ANKRD17: variants seen among roughly 807,000 people sequenced by gnomAD.
ANKRD17 encodes ankyrin repeat domain-containing protein 17.
A neutral mutation model predicts 229.7 loss-of-function variants in ANKRD17; 19 were observed. That is an observed-to-expected ratio of 0.08 (90% CI 0.06 to 0.12). The LOEUF (loss-of-function observed/expected upper bound fraction) is 0.12, where lower values mean the gene tolerates loss of function less well. Among genes scored for constraint, ANKRD17 ranks in the 10% least tolerant of loss-of-function variants. ANKRD17 has a pLI of 1.00. For synonymous variants in ANKRD17, 1,112 were observed against 1,146.1 expected (o/e 0.97, Z 0.60); for missense variants, 2,176 against 3,176.8 (o/e 0.68, Z 7.57).
intron 28 of ANKRD17, among the ~76,000 whole-genome samples, chr4:73,092,927 T>G (rs1397693349): frequency 6.6e-6 from 1 of 152,166 alleles, no homozygotes; most frequent in Non-Finnish European, 1.5e-5. Context: ...AAAACCTTAG[T>G]GCTGGATCTT....
At chr4:73,081,132 G>A (rs1030908441) in intron 30 of ANKRD17, among the ~76,000 whole-genome samples, 1 of 152,192 alleles carries the variant, frequency 6.6e-6, no homozygotes, top group Admixed American at 6.5e-5. Flanking sequence ...TTTTAGGCTA[G>A]TCAGTAATCT....
At chr4:73,179,518 A>ATATATTTTTTTTTTT (rs1192164276) in intron 1 of ANKRD17, among the ~76,000 whole-genome samples, 3 of 40,784 alleles carry the variant, frequency 7.4e-5, no homozygotes, top group Non-Finnish European at 1.4e-4. Flanking sequence ...ATATATATAT[A>ATATATTTTTTTTTTT]TTTTTTTTTT....
intron 24 of ANKRD17, among the ~76,000 whole-genome samples, chr4:73,110,997 G>C (rs932187666): frequency 1.3e-5 from 2 of 152,092 alleles, no homozygotes; most frequent in Non-Finnish European, 2.9e-5. Context: ...AGAATACAAG[G>C]AAATGACATT....
At chr4:73,166,759 GAA>G (rs557490181) in intron 2 of ANKRD17, among the ~76,000 whole-genome samples, 2 of 128,404 alleles carry the variant, frequency 1.6e-5, no homozygotes, top group African/African-American at 5.3e-5. Context: ...CAAATAAATA[GAA>G]AAAAAAAAAA....
intron 4 of ANKRD17, 27 bp from the exon 5 acceptor site, chr4:73,155,805 G>C: frequency 6.2e-7 from 1 of 1,607,042 alleles, no homozygotes; most frequent in Non-Finnish European, 8.5e-7. Flanking sequence ...AGTTTAAAAA[G>C]ATATTAGGAA....
intron 30 of ANKRD17, 143 bp from the exon 31 acceptor site, chr4:73,079,033 A>G: frequency 9.4e-7 from 1 of 1,060,084 alleles, no homozygotes; most frequent in African/African-American, 1.6e-5. Flanking sequence ...AAAATGATGC[A>G]TATTAAAATT....
In ANKRD17 at chr4:73,074,083, A is replaced by G. The variant is rs1401062968; in HGVS notation, c.*2148T>C. ...TAGTACAGACTTCTAAAACCATGGT[A>G]TTGTACTAAACAAGCCTGATCCCCA... is the stretch of plus-strand genomic sequence containing the variant. On this transcript the variant is annotated 3_prime_UTR_variant, in exon 34 of 34. Transcript: ENST00000358602. 1 of 152,016 alleles carries G rather than the reference A, an allele frequency of 6.6e-6. No homozygotes were observed. The highest frequency in any genetic ancestry group is 1.9e-4 in the East Asian group (1 of 5,208). 9.4% of individuals were successfully genotyped at this position (152,016 alleles called of 1,614,324 possible). A position where few individuals can be genotyped will look rare whatever the true frequency, so the allele number is the denominator to read the frequency against.
At chr4:73,138,858 A>G (rs1729245523) in intron 15 of ANKRD17, among the ~76,000 whole-genome samples, 1 of 152,170 alleles carries the variant, frequency 6.6e-6, no homozygotes, top group Admixed American at 6.5e-5. Context: ...GAAACTAGTT[A>G]TAATCGAATA....
At chr4:73,186,558 T>C (rs1736319626) in intron 1 of ANKRD17, among the ~76,000 whole-genome samples, 1 of 152,162 alleles carries the variant, frequency 6.6e-6, no homozygotes, top group Non-Finnish European at 1.5e-5. Flanking sequence ...TACTATAATC[T>C]AGGAATCAGT....
Position 73,078,739 on chromosome 4 carries a change from T to G in ANKRD17, c.7311A>C (p.Gln2437His), listed in dbSNP as rs763113538. The change falls in exon 31 of 34, where the codon CAA (glutamine) becomes CAC (histidine). Residue 2437 changes from glutamine (Q) to histidine (H), a missense_variant. Coordinates refer to ENST00000358602, the MANE Select transcript of ANKRD17 (RefSeq NM_032217.5). ...TAACAGATGGAGCTGACGTTCCAGT[T>G]TGCCTGATACGTGCAGAACGTTCAG... ...IGTERSARIRQTGTSAPSVIG... is the reference protein window; with the variant it reads ...IGTERSARIRHTGTSAPSVIG... 2 of 1,614,146 alleles carry G rather than the reference T, an allele frequency of 1.2e-6. No individual in the cohort carries two copies. Among genetic ancestry groups the G allele is most frequent in the African/African-American group, 1.3e-5 (1 of 75,046 alleles).
At chr4:73,202,426 GC>G (rs1392413176) in intron 1 of ANKRD17, among the ~76,000 whole-genome samples, 1 of 150,612 alleles carries the variant, frequency 6.6e-6, no homozygotes, top group Non-Finnish European at 1.5e-5. Flanking sequence ...AAACGTGGGG[GC>G]AGAAAACTAG....
chr4:73,249,682 C>T (rs564724712), intron 1 of ANKRD17, among the ~76,000 whole-genome samples: 5 of 152,218 alleles, frequency 3.3e-5, no homozygotes, highest in Admixed American at 2.0e-4. Context: ...GGTGAAACTT[C>T]GTCTCTACTA....
chr4:73,252,319 A>C (rs373788289), intron 1 of ANKRD17, among the ~76,000 whole-genome samples: 5 of 152,374 alleles, frequency 3.3e-5, no homozygotes, highest in African/African-American at 1.2e-4. Context: ...AGTAGGCATA[A>C]GGCTGGTTTA....
chr4:73,102,394 C>G lies in ANKRD17; in HGVS notation c.4555G>C (p.Glu1519Gln). 6.3e-7 allele frequency: 1 copy of G among 1,582,694 alleles called. No individual in the cohort carries two copies. The highest frequency in any genetic ancestry group is 8.5e-7 in the Non-Finnish European group (1 of 1,172,366). Reference sequence around the variant, plus strand: ...AAAATACCTTCAACTTTAAGCTTTTCTTTTTCTTGAGCAGCTTGGAGTTCA... The same window carrying G: ...AAAATACCTTCAACTTTAAGCTTTTGTTTTTCTTGAGCAGCTTGGAGTTCA... ...NFELQAAQEK[E>Q]KLKVEDEPEV... Residue 1519 changes from glutamate to glutamine, a missense_variant, in exon 25 of 34, where the codon GAA becomes CAA. By Grantham distance (29) the Glu-to-Gln change is conservative (BLOSUM62 2). This residue lies in a region of ANKRD17 where 105 missense variants were observed against 118.3 expected (regional missense o/e 0.89). Coordinates refer to ENST00000358602, the MANE Select transcript of ANKRD17 (RefSeq NM_032217.5).
intron 1 of ANKRD17, among the ~76,000 whole-genome samples, chr4:73,188,082 C>G (rs549629152): frequency 6.6e-6 from 1 of 152,048 alleles, no homozygotes; most frequent in East Asian, 1.9e-4. Context: ...AATCTCAACA[C>G]ATTTCAAAAT....
chr4:73,136,474 A>G (rs1436838646), intron 15 of ANKRD17, among the ~76,000 whole-genome samples: 1 of 152,222 alleles, frequency 6.6e-6, no homozygotes, highest in East Asian at 1.9e-4. Flanking sequence ...TACACTATAC[A>G]TTATAGCAAC....
chr4:73,218,163 C>G (rs1223857463), intron 1 of ANKRD17, among the ~76,000 whole-genome samples: 1 of 152,092 alleles, frequency 6.6e-6, no homozygotes, highest in Admixed American at 6.5e-5. Context: ...ATAAAAGTGA[C>G]AACATAAAGG....
intron 18 of ANKRD17, among the ~76,000 whole-genome samples, chr4:73,123,654 C>T (rs1441927915): frequency 6.6e-6 from 1 of 152,098 alleles, no homozygotes; most frequent in Non-Finnish European, 1.5e-5. Context: ...CCTACCCTTA[C>T]TGCACTTACA....
intron 1 of ANKRD17, among the ~76,000 whole-genome samples, chr4:73,179,518 A>ATATATTTT (rs1192164276): frequency 2.5e-4 from 10 of 40,784 alleles, no homozygotes; most frequent in African/African-American, 9.2e-4. Flanking sequence ...ATATATATAT[A>ATATATTTT]TTTTTTTTTT....
Sources: allele counts gnomAD v4.1 joint callset (sites outside exome capture counted in the v4.1 genomes callset), GRCh38; gene constraint gnomAD v4.1.1; regional missense constraint gnomAD v4.1.1; transcripts MANE v1.5; gene names NCBI Gene and HGNC (gene_info 2026-07-23, HGNC 2026-07-21).